The following DCT variants were observed in gnomAD, a reference collection of about 807,000 sequenced individuals.
DCT encodes L-dopachrome tautomerase.
Under a neutral mutation model 53.0 loss-of-function variants are expected in DCT, and 47 were observed. The observed-to-expected ratio is 0.89, with a 90% CI of 0.70 to 1.13. The LOEUF is 1.13. Ranked by LOEUF, DCT falls within the 50% of genes most tolerant of loss-of-function variation. The pLI, the probability that DCT is intolerant of heterozygous loss-of-function variation, is 0.00. For missense variants in DCT, 669 were observed against 637.4 expected (o/e 1.05, Z -0.53); for synonymous variants, 244 against 237.0 (o/e 1.03, Z -0.27).
intron 4 of DCT, 187 bp downstream of exon 4, chr13:94,465,446 A>AT (rs571945753): frequency 0.28 from 103,180 of 365,422 alleles, 10,454 homozygotes; most frequent in Middle Eastern, 0.34. Context: ...TGATTTTGAT[A>AT]TTTTTTTTTT....
chr13:94,482,442 G>T (rs1394525564), upstream of DCT, among the ~76,000 whole-genome samples: 1 of 152,156 alleles, frequency 6.6e-6, no homozygotes, highest in Admixed American at 6.5e-5. Context: ...TTCTCAGAGA[G>T]GCCTTCCATG....
At chr13:94,483,261 T>A (rs1594338266), upstream of DCT, among the ~76,000 whole-genome samples, 1 of 150,834 alleles carries the variant, frequency 6.6e-6, no homozygotes. Flanking sequence ...CAGAAAGGAG[T>A]GAGACCCTGT....
chr13:94,490,526 A>AAAAAAAAAAAAAAAAAAAAAAAAAAG, the DCT span, among the ~76,000 whole-genome samples: 1 of 148,536 alleles, frequency 6.7e-6, no homozygotes, highest in African/African-American at 2.5e-5. Context: ...AAAAAAAAAA[A>AAAAAAAAAAAAAAAAAAAAAAAAAAG]AAAAACAACT....
the DCT span, among the ~76,000 whole-genome samples, chr13:94,501,035 G>A: frequency 6.6e-6 from 1 of 152,002 alleles, no homozygotes; most frequent in African/African-American, 2.4e-5. Flanking sequence ...GGGAGGCTGA[G>A]GCGGGCAGAT....
the DCT span, among the ~76,000 whole-genome samples, chr13:94,525,779 G>A: frequency 2.0e-5 from 3 of 152,296 alleles, no homozygotes; most frequent in African/African-American, 7.2e-5. Context: ...GATCACTTTA[G>A]TCCAGTAGTT....
At chr13:94,466,010 A>AC in intron 3 of DCT, among the ~76,000 whole-genome samples, 1 of 89,914 alleles carries the variant, frequency 1.1e-5, no homozygotes, top group South Asian at 4.2e-4. Flanking sequence ...ATATATATAT[A>AC]TATATATATA....
chr13:94,440,676 G>GTTTTTTTTTTTTTTTTTT (rs761688508), intron 7 of DCT, among the ~76,000 whole-genome samples: 2 of 98,034 alleles, frequency 2.0e-5, no homozygotes, highest in African/African-American at 8.2e-5. Context: ...TCATTTTTTG[G>GTTTTTTTTTTTTTTTTTT]TTTTTTTTTT....
chr13:94,446,234 AC>A (rs993210217), intron 6 of DCT, among the ~76,000 whole-genome samples: 10 of 152,342 alleles, frequency 6.6e-5, no homozygotes, highest in African/African-American at 2.4e-4. Flanking sequence ...TATATTAGGT[AC>A]CTAGTACACA....
At chr13:94,526,689 G>T in the DCT span, among the ~76,000 whole-genome samples, 2 of 152,192 alleles carry the variant, frequency 1.3e-5, no homozygotes, top group African/African-American at 2.4e-5. Flanking sequence ...CCAGTCTGCA[G>T]CTCCCAGCGA....
the DCT span, among the ~76,000 whole-genome samples, chr13:94,520,266 A>C: frequency 1.1e-4 from 16 of 152,226 alleles, no homozygotes; most frequent in Non-Finnish European, 2.2e-4. Flanking sequence ...CTCTTAGCCA[A>C]AATAGTTCCT....
intron 1 of DCT, among the ~76,000 whole-genome samples, chr13:94,472,742 T>C (rs1042900501): frequency 4.0e-5 from 6 of 150,790 alleles, no homozygotes; most frequent in African/African-American, 1.5e-4. Flanking sequence ...CCACCACACC[T>C]GGCCAATTTT....
rs191859184 is a variant in DCT, at chr13:94,462,589, G to T, written c.864-400C>A. Among the ~76,000 whole-genome samples the T allele has an allele frequency of 1.2e-4, 18 of 152,052 alleles. No homozygotes were observed. In the East Asian group the frequency reaches 1.9e-3, roughly 16 times the overall value. The stretch of plus-strand genomic sequence containing the variant: ...ATTTGGGCCAAGCAAATCAATCAGG[G>T]TCACAATCATGGTAAAATTGTATTA... On this transcript the variant is annotated intron_variant, in intron 4 of 7. Coordinates refer to ENST00000377028, the MANE Select transcript of DCT (RefSeq NM_001922.5).
At chr13:94,509,865 T>TC in the DCT span, among the ~76,000 whole-genome samples, 2 of 152,122 alleles carry the variant, frequency 1.3e-5, no homozygotes, top group African/African-American at 4.8e-5. Flanking sequence ...CTCCACTGGG[T>TC]CAGGAATCAT....
At chr13:94,481,756 G>T (rs906074091), upstream of DCT, among the ~76,000 whole-genome samples, 1 of 152,252 alleles carries the variant, frequency 6.6e-6, no homozygotes, top group Middle Eastern at 3.4e-3. Context: ...CTACTTGAAG[G>T]TTTAGATATT....
intron 5 of DCT, 94 bp downstream of exon 5, chr13:94,461,916 C>A (rs1883817269): frequency 1.8e-6 from 2 of 1,088,222 alleles, no homozygotes; most frequent in African/African-American, 1.6e-5. Flanking sequence ...TCGTAGACAA[C>A]CCCCAAAACC....
At position 94,460,158 on chromosome 13, in the gene DCT, A is replaced by G. The variant is rs759340915; in HGVS notation, c.1112T>C (p.Leu371Ser). ...LDSQVMSLHN[L>S]VHSFLNGTNA... ...TGTCCCGTTCAGGAAGGAATGAACCAAATTATGAAGGCTCATCACTTGAGA... is the reference window on the plus strand; with the variant it reads ...TGTCCCGTTCAGGAAGGAATGAACCGAATTATGAAGGCTCATCACTTGAGA... Residue 371 changes from leucine to serine, a missense_variant, in exon 6 of 8, where the codon TTG (leucine) becomes TCG (serine). Transcript: ENST00000377028. The G allele has an allele frequency of 1.2e-6, 2 of 1,614,104 alleles. No individual in the cohort carries two copies. The highest frequency in any genetic ancestry group is 1.7e-6 in the Non-Finnish European group (2 of 1,179,928).
At chr13:94,461,363 C>T (rs1883775300) in intron 5 of DCT, among the ~76,000 whole-genome samples, 1 of 152,158 alleles carries the variant, frequency 6.6e-6, no homozygotes, top group Non-Finnish European at 1.5e-5. Flanking sequence ...CATACCACCA[C>T]ACCTGGCTAC....
intron 6 of DCT, among the ~76,000 whole-genome samples, chr13:94,458,780 C>A (rs1883583711): frequency 6.6e-6 from 1 of 152,110 alleles, no homozygotes; most frequent in South Asian, 2.1e-4. Flanking sequence ...CCAGCCTGGG[C>A]AGTGGAGCAA....
intron 6 of DCT, among the ~76,000 whole-genome samples, chr13:94,449,389 T>C (rs1361273810): frequency 2.0e-5 from 3 of 152,200 alleles, no homozygotes; most frequent in South Asian, 4.1e-4. Context: ...CATGGAAATA[T>C]GAGGCCGGCT....
Sources: allele counts gnomAD v4.1 joint callset (sites outside exome capture counted in the v4.1 genomes callset), GRCh38; gene constraint gnomAD v4.1.1; transcripts MANE v1.5; gene names NCBI Gene and HGNC (gene_info 2026-07-23, HGNC 2026-07-21).